Variants in EIF2AK4 observed in about 807,000 individuals in gnomAD.
The protein encoded by EIF2AK4 is eIF-2-alpha kinase GCN2.
A neutral mutation model predicts 211.1 loss-of-function variants in EIF2AK4; 139 were observed. That is an observed-to-expected ratio of 0.66 (90% CI 0.57 to 0.76). The LOEUF is 0.76. EIF2AK4 is among the 30% of genes least tolerant of loss of function. EIF2AK4 has a pLI of 0.00. For missense variants in EIF2AK4, 1,664 were observed against 2,043.8 expected, an observed-to-expected ratio of 0.81 and a Z score of 3.58; for synonymous variants, 710 against 751.3, an observed-to-expected ratio of 0.94 and a Z score of 0.90.
intron 10 of EIF2AK4, 39 bp from the exon 11 acceptor site, chr15:39,973,553 C>A: frequency 6.4e-7 from 1 of 1,560,388 alleles, no homozygotes. Flanking sequence ...CCTAAATTTC[C>A]AATGCCTCAT....
Position 39,965,712 on chromosome 15 carries a change from G to A in EIF2AK4, c.886G>A (p.Val296Ile). 6.2e-7 allele frequency: 1 copy of A among 1,613,882 alleles called. No individual in the cohort carries two copies. The highest frequency in any genetic ancestry group is 2.2e-5 in the East Asian group (1 of 44,868). ...IGSDEQLGKL[V>I]YNALETATGG... ...CAGTGATGAACAACTTGGAAAATTA[G>A]TCTACAATGCTTTGGAAACAGCCAC... Residue 296 changes from valine (V) to isoleucine (I), a missense_variant, in exon 8 of 39, where the codon GTC becomes ATC. Coordinates refer to ENST00000263791, the MANE Select transcript of EIF2AK4 (RefSeq NM_001013703.4).
intron 6 of EIF2AK4, among the ~76,000 whole-genome samples, chr15:39,961,348 C>A (rs1234348014): frequency 5.3e-5 from 8 of 152,224 alleles, no homozygotes; most frequent in African/African-American, 1.9e-4. Flanking sequence ...TGGAATTGAT[C>A]TAAATCACTG....
At chr15:39,990,946 A>G (rs956378792) in intron 16 of EIF2AK4, among the ~76,000 whole-genome samples, 3 of 152,206 alleles carry the variant, frequency 2.0e-5, no homozygotes, top group Admixed American at 6.5e-5. Flanking sequence ...GAAGACCAGC[A>G]TACTGTCTGA....
intron 7 of EIF2AK4, among the ~76,000 whole-genome samples, chr15:39,964,995 T>TA (rs1194413972): frequency 1.8e-4 from 27 of 152,244 alleles, no homozygotes; most frequent in Non-Finnish European, 2.9e-4. Flanking sequence ...TGTTCTCTAT[T>TA]TTCATATTCT....
At chr15:39,978,996 C>A (rs918950089) in intron 13 of EIF2AK4, among the ~76,000 whole-genome samples, 1 of 152,176 alleles carries the variant, frequency 6.6e-6, no homozygotes, top group African/African-American at 2.4e-5. Context: ...TTACATGAAA[C>A]GTTTAACAAA....
At chr15:39,934,511 A>C (rs758335637) in intron 1 of EIF2AK4, among the ~76,000 whole-genome samples, 172 bp downstream of exon 1, 6 of 152,198 alleles carry the variant, frequency 3.9e-5, no homozygotes, top group Non-Finnish European at 8.8e-5. Context: ...TGGTCTGCAG[A>C]ATCCCACCTA....
At chr15:39,965,310 G>A (rs898132807) in intron 7 of EIF2AK4, among the ~76,000 whole-genome samples, 1 of 149,674 alleles carries the variant, frequency 6.7e-6, no homozygotes, top group Non-Finnish European at 1.5e-5. Flanking sequence ...TTTTAGTAGC[G>A]ACGGGGTTTC....
chr15:39,956,270 C>G (rs2034391329), intron 6 of EIF2AK4, among the ~76,000 whole-genome samples: 1 of 152,202 alleles, frequency 6.6e-6, no homozygotes, highest in African/African-American at 2.4e-5. Context: ...TCCCAAAATG[C>G]TGGGATTACA....
chr15:39,990,236 G>GAA, intron 15 of EIF2AK4, 37 bp from the exon 16 acceptor site: 1 of 1,599,068 alleles, frequency 6.3e-7, no homozygotes, highest in East Asian at 2.2e-5. Context: ...TTTATGCATG[G>GAA]AAAACCATTG....
chr15:39,943,947 CCT>C (rs1325114709), intron 3 of EIF2AK4, among the ~76,000 whole-genome samples: 1 of 150,600 alleles, frequency 6.6e-6, no homozygotes, highest in African/African-American at 2.5e-5. Flanking sequence ...AGAGCAAGAC[CCT>C]CTCTCTTAAA....
intron 20 of EIF2AK4, 84 bp downstream of exon 20, chr15:39,998,868 T>C (rs2035056719): frequency 8.8e-7 from 1 of 1,136,888 alleles, no homozygotes; most frequent in African/African-American, 1.6e-5. Context: ...AGTAATCTTC[T>C]GCCACTCATT....
intron 6 of EIF2AK4, among the ~76,000 whole-genome samples, chr15:39,960,599 G>A (rs1007399267): frequency 7.9e-5 from 12 of 152,176 alleles, no homozygotes; most frequent in Non-Finnish European, 1.3e-4. Context: ...GTGCAGTAAT[G>A]TGACTATGAG....
intron 15 of EIF2AK4, among the ~76,000 whole-genome samples, chr15:39,989,346 G>A (rs909608999): frequency 2.0e-5 from 3 of 152,036 alleles, no homozygotes; most frequent in Non-Finnish European, 2.9e-5. Context: ...GTACTGTACC[G>A]TATTTATACT....
intron 34 of EIF2AK4, 57 bp from the exon 35 acceptor site, chr15:40,030,302 T>C (rs1263032867): frequency 6.6e-6 from 10 of 1,518,892 alleles, no homozygotes; most frequent in African/African-American, 4.1e-5. Flanking sequence ...CTCTGTAGTA[T>C]GTTGTAGAAA....
Position 40,032,216 on chromosome 15 carries a change from C to G in EIF2AK4, c.4707C>G (p.Ser1569Arg), listed in dbSNP as rs757611930. The change falls in exon 36 of 39, where the codon AGC becomes AGG. Residue 1569 changes from serine (S) to arginine (R), a missense_variant. Ser to Arg is a moderately radical substitution (Grantham distance 110). Transcript: ENST00000263791. ...QTSLANLHQK[S>R]SEIEILAVDL... Reference sequence around the variant, plus strand: ...CCCTTGCCAACTTACATCAGAAAAGCAGTGAAATTGAAATTCTGGCTGTAA... The same window carrying G: ...CCCTTGCCAACTTACATCAGAAAAGGAGTGAAATTGAAATTCTGGCTGTAA... The G allele has an allele frequency of 5.0e-6, 8 of 1,614,138 alleles. No homozygotes were observed. Among genetic ancestry groups the G allele is most frequent in the Non-Finnish European group, 6.8e-6 (8 of 1,179,982 alleles).
chr15:39,992,384 TC>T (rs1186134806), intron 17 of EIF2AK4, 155 bp downstream of exon 17: 2 of 589,030 alleles, frequency 3.4e-6, no homozygotes, highest in Non-Finnish European at 5.6e-6. Flanking sequence ...AATCTTTTTT[TC>T]CTTTTCAATT....
At chr15:39,942,902 T>TTGCCAGTGAGC (rs2034167071) in intron 2 of EIF2AK4, among the ~76,000 whole-genome samples, 1 of 152,228 alleles carries the variant, frequency 6.6e-6, no homozygotes, top group Non-Finnish European at 1.5e-5. Context: ...TGCAGAGCGC[T>TTGCCAGTGAGC]TGGCCTTGCC....
At chr15:39,975,111 C>T (rs1169650797) in intron 11 of EIF2AK4, 1 of 152,198 alleles carries the variant, frequency 6.6e-6, no homozygotes, top group Non-Finnish European at 1.5e-5. Flanking sequence ...GAGCACCTGC[C>T]ATATTTCAGA....
At chr15:39,991,251 ACAGGGTCCCGATCATG>A (rs997145584) in intron 16 of EIF2AK4, 6 of 152,444 alleles carry the variant, frequency 3.9e-5, no homozygotes, top group African/African-American at 7.2e-5. Flanking sequence ...GACAGTACGG[ACAGGGTCCCGATCATG>A]CTCCCCATGG....
Sources: allele counts gnomAD v4.1 joint callset (sites outside exome capture counted in the v4.1 genomes callset), GRCh38; gene constraint gnomAD v4.1.1; transcripts MANE v1.5; gene names NCBI Gene and HGNC (gene_info 2026-07-23, HGNC 2026-07-21).